GMDS: variants seen among roughly 807,000 people sequenced by gnomAD.
GMDS encodes GDP-mannose 4,6 dehydratase.
A neutral mutation model predicts 49.9 loss-of-function variants in GMDS; 20 were observed. The observed-to-expected ratio is 0.40, with a 90% CI of 0.28 to 0.58. The LOEUF (loss-of-function observed/expected upper bound fraction) is 0.58, where lower values mean the gene tolerates loss of function less well. Ranked by LOEUF, GMDS falls within the 20% of genes least tolerant of loss-of-function variation. The pLI is 0.42. For missense variants in GMDS, 362 were observed against 481.4 expected, an observed-to-expected ratio of 0.75 and a Z score of 2.32; for synonymous variants, 177 against 178.6, an observed-to-expected ratio of 0.99 and a Z score of 0.07.
intron 7 of GMDS, among the ~76,000 whole-genome samples, chr6:1,869,985 C>T (rs1012060666): frequency 3.9e-5 from 6 of 152,256 alleles, no homozygotes; most frequent in East Asian, 1.9e-4. Flanking sequence ...GCTCAGACCA[C>T]GACTGTCTGC....
intron 4 of GMDS, among the ~76,000 whole-genome samples, chr6:2,003,580 A>C (rs187824966): frequency 6.6e-6 from 1 of 152,190 alleles, no homozygotes; most frequent in Admixed American, 6.5e-5. Context: ...CTAGAGTAAG[A>C]CTTGCTACGA....
intron 5 of GMDS, among the ~76,000 whole-genome samples, chr6:1,960,542 T>C (rs922318060): frequency 1.7e-4 from 26 of 152,294 alleles, no homozygotes; most frequent in African/African-American, 6.3e-4. Flanking sequence ...CATGGGTTGG[T>C]GAAGTGAGGT....
intron 4 of GMDS, among the ~76,000 whole-genome samples, chr6:2,009,870 T>C (rs1177189804): frequency 3.9e-5 from 6 of 152,192 alleles, no homozygotes; most frequent in East Asian, 3.9e-4. Flanking sequence ...ATTTTGAACA[T>C]AGCCTCAATG....
chr6:1,730,588 A>G (rs1444511462), intron 8 of GMDS, among the ~76,000 whole-genome samples: 1 of 152,166 alleles, frequency 6.6e-6, no homozygotes, highest in Non-Finnish European at 1.5e-5. Context: ...AGAGTGGGTC[A>G]CCATGCTGAA....
At chr6:1,667,752 A>T (rs1764280925) in intron 9 of GMDS, among the ~76,000 whole-genome samples, 1 of 146,806 alleles carries the variant, frequency 6.8e-6, no homozygotes, top group Admixed American at 6.8e-5. Context: ...TAAGTAATAT[A>T]TTTGTATTAT....
At chr6:2,065,279 C>T (rs946925471) in intron 4 of GMDS, among the ~76,000 whole-genome samples, 26 of 152,156 alleles carry the variant, frequency 1.7e-4, no homozygotes, top group Non-Finnish European at 2.2e-4. Flanking sequence ...CTGTACATCA[C>T]CATCATCAAA....
chr6:1,840,052 C>T (rs536925002), intron 7 of GMDS, among the ~76,000 whole-genome samples: 8 of 152,190 alleles, frequency 5.3e-5, no homozygotes, highest in Non-Finnish European at 8.8e-5. Context: ...CAATGAGAGG[C>T]GAGGACTGCA....
chr6:2,060,755 C>T (rs1485590719), intron 4 of GMDS, among the ~76,000 whole-genome samples: 2 of 152,236 alleles, frequency 1.3e-5, no homozygotes, highest in African/African-American at 2.4e-5. Flanking sequence ...GGGGGCCGGG[C>T]GCGGTGACTC....
At chr6:1,642,044 C>G (rs540420699) in intron 9 of GMDS, among the ~76,000 whole-genome samples, 18 of 152,026 alleles carry the variant, frequency 1.2e-4, no homozygotes, top group Admixed American at 9.8e-4. Context: ...GATCGCCCTG[C>G]GTAGCACTCT....
chr6:1,764,094 G>GA (rs1197016037), intron 7 of GMDS, among the ~76,000 whole-genome samples: 9 of 148,130 alleles, frequency 6.1e-5, no homozygotes, highest in African/African-American at 2.0e-4. Flanking sequence ...AAGGAGCGAA[G>GA]AAAAAAAAAA....
At chr6:2,048,946 G>C (rs1265141688) in intron 4 of GMDS, among the ~76,000 whole-genome samples, 1 of 152,146 alleles carries the variant, frequency 6.6e-6, no homozygotes, top group African/African-American at 2.4e-5. Flanking sequence ...TGGGAGGTAA[G>C]CAGGGTTAGA....
intron 7 of GMDS, among the ~76,000 whole-genome samples, chr6:1,855,658 G>GTTACTTT (rs1757908441): frequency 6.6e-6 from 1 of 152,146 alleles, no homozygotes; most frequent in Non-Finnish European, 1.5e-5. Context: ...ACTGGACCAA[G>GTTACTTT]TGATAAAAAT....
At chr6:2,123,695 T>C (rs1775264749) in intron 2 of GMDS, among the ~76,000 whole-genome samples, 1 of 152,248 alleles carries the variant, frequency 6.6e-6, no homozygotes, top group African/African-American at 2.4e-5. Flanking sequence ...CTTATGCATA[T>C]GGACATACGT....
chr6:1,656,632 T>C (rs1459156113), intron 9 of GMDS, among the ~76,000 whole-genome samples: 2 of 151,762 alleles, frequency 1.3e-5, no homozygotes, highest in Non-Finnish European at 2.9e-5. Flanking sequence ...GGTGTGGTGG[T>C]GTGTGCCTGT....
chr6:2,242,757 C>T (rs1343232527), intron 1 of GMDS, among the ~76,000 whole-genome samples: 1 of 152,176 alleles, frequency 6.6e-6, no homozygotes. Flanking sequence ...ACATATTTAA[C>T]CTTACTTAGC....
At chr6:1,643,178 T>A (rs1763384877) in intron 9 of GMDS, among the ~76,000 whole-genome samples, 1 of 152,218 alleles carries the variant, frequency 6.6e-6, no homozygotes, top group Non-Finnish European at 1.5e-5. Flanking sequence ...AGGTGAGATG[T>A]GCCGGAATCT....
intron 7 of GMDS, among the ~76,000 whole-genome samples, chr6:1,803,431 T>C (rs567028809): frequency 1.4e-4 from 22 of 152,282 alleles, no homozygotes; most frequent in Middle Eastern, 3.4e-3. Context: ...ATAGTGTAGT[T>C]TAATTACAGT....
At chr6:2,221,976 A>C (rs987737271) in intron 1 of GMDS, among the ~76,000 whole-genome samples, 10 of 152,222 alleles carry the variant, frequency 6.6e-5, no homozygotes, top group Admixed American at 3.9e-4. Flanking sequence ...CCGTAAAGAA[A>C]CAGGTTTTCT....
intron 7 of GMDS, among the ~76,000 whole-genome samples, chr6:1,871,798 A>C (rs766567727): frequency 5.3e-5 from 8 of 152,222 alleles, no homozygotes; most frequent in Non-Finnish European, 1.0e-4. Context: ...TACTCACATA[A>C]TAATACTTTC....
Sources: gnomAD v4.1 joint callset for allele counts (sites outside exome capture counted in the v4.1 genomes callset) on GRCh38, gnomAD v4.1.1 for gene constraint, MANE v1.5 for transcripts, NCBI Gene and HGNC (gene_info 2026-07-23, HGNC 2026-07-21) for gene names.